The following SYNPR variants were observed in gnomAD, a reference collection of about 807,000 sequenced individuals.
The protein encoded by SYNPR is synaptoporin.
Under a neutral mutation model 32.9 loss-of-function variants are expected in SYNPR, and 23 were observed. That is an observed-to-expected ratio of 0.70 (90% CI 0.50 to 0.99). The LOEUF (loss-of-function observed/expected upper bound fraction) is 0.99, where lower values mean the gene tolerates loss of function less well. Ranked by LOEUF, SYNPR falls within the 50% of genes least tolerant of loss-of-function variation. SYNPR has a pLI of 0.00. For missense variants in SYNPR, 318 were observed against 349.3 expected (o/e 0.91, Z 0.71); for synonymous variants, 146 against 135.9 (o/e 1.07, Z -0.52).
intron 4 of SYNPR, among the ~76,000 whole-genome samples, chr3:63,600,696 T>C (rs1339088809): frequency 6.6e-6 from 1 of 152,212 alleles, no homozygotes; most frequent in Non-Finnish European, 1.5e-5. Flanking sequence ...GCATTTCCCC[T>C]GCTTTCACTT....
chr3:63,363,966 C>T (rs2087697964), intron 2 of SYNPR, among the ~76,000 whole-genome samples: 1 of 152,142 alleles, frequency 6.6e-6, no homozygotes, highest in Non-Finnish European at 1.5e-5. Flanking sequence ...TCACCACAAC[C>T]TTATTACTTC....
At chr3:63,322,181 C>T (rs77792989) in intron 2 of SYNPR, among the ~76,000 whole-genome samples, 2 of 152,078 alleles carry the variant, frequency 1.3e-5, no homozygotes, top group African/African-American at 4.8e-5. Context: ...TGCATTAGTG[C>T]CTACAGGAAT....
intron 3 of SYNPR, among the ~76,000 whole-genome samples, chr3:63,527,087 C>T (rs2106782640): frequency 6.6e-6 from 1 of 152,164 alleles, no homozygotes; most frequent in South Asian, 2.1e-4. Context: ...AGAACAGGGA[C>T]AATTTGAATA....
intron 2 of SYNPR, among the ~76,000 whole-genome samples, chr3:63,362,942 A>T (rs545025091): frequency 6.6e-6 from 1 of 152,334 alleles, no homozygotes; most frequent in East Asian, 1.9e-4. Context: ...ATGATTCCTG[A>T]GGAAGGAGAC....
chr3:63,512,231 C>T (rs1701710512), intron 3 of SYNPR, among the ~76,000 whole-genome samples: 1 of 152,086 alleles, frequency 6.6e-6, no homozygotes, highest in African/African-American at 2.4e-5. Flanking sequence ...CTCATGTTAT[C>T]TTTTGGCACT....
chr3:63,445,831 G>A (rs562989057), intron 2 of SYNPR, among the ~76,000 whole-genome samples: 3 of 152,182 alleles, frequency 2.0e-5, no homozygotes, highest in Non-Finnish European at 2.9e-5. Context: ...TACAACAAAC[G>A]CCTAGACTGA....
chr3:63,523,921 G>A (rs2106777235), intron 3 of SYNPR, among the ~76,000 whole-genome samples: 1 of 152,166 alleles, frequency 6.6e-6, no homozygotes, highest in African/African-American at 2.4e-5. Context: ...ACTGAGGAAG[G>A]ACCCAGGGTA....
intron 2 of SYNPR, among the ~76,000 whole-genome samples, chr3:63,390,817 C>T (rs1471568865): frequency 1.3e-5 from 2 of 152,196 alleles, no homozygotes; most frequent in Admixed American, 6.5e-5. Flanking sequence ...CCTCCTCCTT[C>T]CTGGAAGTTG....
intron 2 of SYNPR, among the ~76,000 whole-genome samples, chr3:63,410,085 T>C (rs1278461661): frequency 6.6e-6 from 1 of 152,162 alleles, no homozygotes; most frequent in Admixed American, 6.6e-5. Flanking sequence ...CATTGTTTGT[T>C]AACACAGCTT....
intron 2 of SYNPR, among the ~76,000 whole-genome samples, chr3:63,457,512 T>C (rs944126972): frequency 2.0e-5 from 3 of 152,162 alleles, no homozygotes; most frequent in Admixed American, 2.0e-4. Context: ...TTGCATCTGC[T>C]GAAATAAATT....
Position 63,291,827 on chromosome 3 carries a change from T to TC in SYNPR, c.84+13085_84+13086insC, listed in dbSNP as rs2086742057. On this transcript the variant is annotated intron_variant, in intron 2 of 5. Coordinates refer to ENST00000478300, the MANE Select transcript of SYNPR (RefSeq NM_001130003.2). ...AAGTATAAATATTGTAGTTTCTTTC[T>TC]TTCTCTCTCTCTCTCTCTCTCTCAT... Among the ~76,000 whole-genome samples, 4 of 133,158 alleles carry TC rather than the reference T, an allele frequency of 3.0e-5. No homozygotes were observed. The Admixed American group carries it at 3.2e-4, about 11-fold the overall frequency. The allele number at this position is 133,158 out of a possible 152,430, so 87.4% of individuals were successfully genotyped here.
intron 4 of SYNPR, among the ~76,000 whole-genome samples, chr3:63,557,974 G>A (rs1438626493): frequency 6.6e-6 from 1 of 152,236 alleles, no homozygotes; most frequent in Non-Finnish European, 1.5e-5. Flanking sequence ...TTTTAAAGCT[G>A]GTTAGATAAC....
intron 4 of SYNPR, among the ~76,000 whole-genome samples, chr3:63,576,787 T>C (rs147154279): frequency 0.041 from 5,415 of 131,498 alleles, 378 homozygotes; most frequent in African/African-American, 0.15. Flanking sequence ...CAAGAATACG[T>C]CTCAAAAAAA....
At chr3:63,257,466 C>A (rs1038553009) in intron 2 of SYNPR, among the ~76,000 whole-genome samples, 6 of 152,160 alleles carry the variant, frequency 3.9e-5, no homozygotes, top group Non-Finnish European at 8.8e-5. Context: ...TCCAGCCAAA[C>A]TAAACTTCAT....
At chr3:63,457,022 A>T (rs138653232) in intron 2 of SYNPR, among the ~76,000 whole-genome samples, 2,272 of 152,146 alleles carry the variant, frequency 0.015, 76 homozygotes, top group African/African-American at 0.05. Context: ...TGGGTGGCCT[A>T]GCTGAGTGGT....
At chr3:63,459,482 T>C (rs1700542733) in intron 2 of SYNPR, among the ~76,000 whole-genome samples, 1 of 152,146 alleles carries the variant, frequency 6.6e-6, no homozygotes, top group Non-Finnish European at 1.5e-5. Flanking sequence ...CATCCTAAAT[T>C]ATCCCAATAT....
At chr3:63,476,135 AAGGAAGGAAGGAAGGGAGGG>A (rs1700901125) in intron 2 of SYNPR, among the ~76,000 whole-genome samples, 1 of 35,974 alleles carries the variant, frequency 2.8e-5, no homozygotes, top group Non-Finnish European at 5.3e-5. Flanking sequence ...GGAAGGAAGG[AAGGAAGGAAGGAAGGGAGGG>A]AGGGAGGGAG....
chr3:63,440,382 C>T (rs1700149286), intron 2 of SYNPR, among the ~76,000 whole-genome samples: 1 of 152,154 alleles, frequency 6.6e-6, no homozygotes, highest in Non-Finnish European at 1.5e-5. Flanking sequence ...GTTTTACTTA[C>T]TGTAAACTTA....
chr3:63,296,285 G>T (rs2086790863), intron 2 of SYNPR, among the ~76,000 whole-genome samples: 1 of 151,758 alleles, frequency 6.6e-6, no homozygotes, highest in Non-Finnish European at 1.5e-5. Context: ...TGTTAGAAAT[G>T]CTATTTCTCA....
Sources: allele counts gnomAD v4.1 joint callset (sites outside exome capture counted in the v4.1 genomes callset), GRCh38; gene constraint gnomAD v4.1.1; transcripts MANE v1.5; gene names NCBI Gene and HGNC (gene_info 2026-07-23, HGNC 2026-07-21).